The following UGGT2 variants were observed in gnomAD, a reference collection of about 807,000 sequenced individuals.
The protein encoded by UGGT2 is UDP-glucose glycoprotein glucosyltransferase 2.
In UGGT2, 180 loss-of-function variants were observed where a neutral mutation model predicts 192.1. The ratio of observed to expected loss-of-function variants is 0.94; its 90% confidence interval spans 0.83 to 1.06. The LOEUF is 1.06. Ranked by LOEUF, UGGT2 falls within the 50% of genes least tolerant of loss-of-function variation. UGGT2 has a pLI of 0.00. For synonymous variants in UGGT2, 580 were observed against 591.0 expected (o/e 0.98, Z 0.27); for missense variants, 1,849 against 1,795.7 (o/e 1.03, Z -0.54).
intron 15 of UGGT2, 94 bp from the exon 16 acceptor site, chr13:95,940,185 G>C: frequency 1.0e-6 from 1 of 966,666 alleles, no homozygotes; most frequent in Non-Finnish European, 1.4e-6. Flanking sequence ...TATTTTGTAA[G>C]TTCAAAATAT....
At chr13:95,996,274 G>A in intron 6 of UGGT2, 139 bp from the exon 7 acceptor site, 1 of 673,000 alleles carries the variant, frequency 1.5e-6, no homozygotes, top group Non-Finnish European at 2.6e-6. Context: ...GGCCGAGGTG[G>A]GTAAATCACT....
rs138251115 is a variant in UGGT2, at chr13:95,829,151, G to T, written c.4528+3776C>A. Among the ~76,000 whole-genome samples, 895 of 152,230 alleles carry T rather than the reference G, an allele frequency of 5.9e-3. 12 individuals carry two copies. Among genetic ancestry groups the T allele is most frequent in the African/African-American group, 0.02 (844 of 41,542 alleles). ...ATGCTAAAAACTCTCAATAAATTAG[G>T]TATTGATGGGACGTATCTCAAAATA... On this transcript the variant is annotated intron_variant, in intron 38 of 38. Coordinates refer to ENST00000376747, the MANE Select transcript of UGGT2 (RefSeq NM_020121.4).
chr13:95,818,501 A>T (rs1239248771), intron 38 of UGGT2, among the ~76,000 whole-genome samples: 1 of 152,230 alleles, frequency 6.6e-6, no homozygotes, highest in Admixed American at 6.5e-5. Flanking sequence ...ATTGTGGTTA[A>T]GTACTGCTGA....
At chr13:95,829,632 C>A (rs1886445766) in intron 38 of UGGT2, among the ~76,000 whole-genome samples, 1 of 152,104 alleles carries the variant, frequency 6.6e-6, no homozygotes, top group Admixed American at 6.5e-5. Flanking sequence ...AGGACCTCTT[C>A]AAAGAGAACT....
intron 2 of UGGT2, among the ~76,000 whole-genome samples, chr13:96,024,077 C>T (rs1460250747): frequency 4.6e-5 from 7 of 152,078 alleles, no homozygotes; most frequent in Non-Finnish European, 8.8e-5. Context: ...GATATAAGTC[C>T]TACCTACAAG....
At chr13:96,029,294 TTTA>T (rs1379766495) in intron 2 of UGGT2, among the ~76,000 whole-genome samples, 29 of 151,784 alleles carry the variant, frequency 1.9e-4, no homozygotes, top group African/African-American at 6.0e-4. Flanking sequence ...TATTTATTTA[TTTA>T]TTTTTTTGAG....
chr13:95,843,354 C>T (rs190681021), intron 36 of UGGT2, among the ~76,000 whole-genome samples: 294 of 152,174 alleles, frequency 1.9e-3, no homozygotes, highest in Admixed American at 3.1e-3. Context: ...TTTGCATTTC[C>T]CTAATCACTA....
intron 33 of UGGT2, 42 bp from the exon 34 acceptor site, chr13:95,856,382 AAGT>A: frequency 6.4e-7 from 1 of 1,568,782 alleles, no homozygotes; most frequent in Non-Finnish European, 8.6e-7. Context: ...GTTCAAGAGA[AAGT>A]AGTTTTGTTT....
In UGGT2 at chr13:95,895,314, A is replaced by G; in HGVS notation, c.2635-10T>C. On this transcript the variant is annotated splice_polypyrimidine_tract_variant and intron_variant, in intron 22 of 38. Transcript: ENST00000376747. Reference sequence around the variant, plus strand: ...CTAAAGGTCCTAAGAACTTAAAATAAAAACAGTTATATTATCATATATCTT... The same window carrying G: ...CTAAAGGTCCTAAGAACTTAAAATAGAAACAGTTATATTATCATATATCTT... 1 of 1,375,564 alleles carries G rather than the reference A, an allele frequency of 7.3e-7. No homozygotes were observed. Among genetic ancestry groups the G allele is most frequent in the Non-Finnish European group, 9.9e-7 (1 of 1,005,760 alleles). 85.2% of individuals were successfully genotyped at this position (1,375,564 alleles called of 1,614,324 possible). A position where few individuals can be genotyped will look rare whatever the true frequency, so the allele number is the denominator to read the frequency against.
chr13:95,990,976 TG>T (rs961838523), intron 7 of UGGT2: 39 of 152,334 alleles, frequency 2.6e-4, no homozygotes, highest in African/African-American at 9.2e-4. Context: ...ATGTGGTGTT[TG>T]GTTTTCTGTT....
chr13:95,945,984 T>C (rs140560759), intron 15 of UGGT2, among the ~76,000 whole-genome samples: 18 of 152,262 alleles, frequency 1.2e-4, no homozygotes, highest in East Asian at 5.8e-4. Context: ...TGATATAATA[T>C]TGATTGACAA....
intron 20 of UGGT2, among the ~76,000 whole-genome samples, chr13:95,917,534 G>T (rs145415822): frequency 1.3e-3 from 198 of 152,242 alleles, no homozygotes; most frequent in African/African-American, 4.5e-3. Flanking sequence ...CTAGCATCAT[G>T]ATGACAGTAT....
At chr13:95,879,290 A>T (rs1375757817) in intron 27 of UGGT2, among the ~76,000 whole-genome samples, 2 of 152,202 alleles carry the variant, frequency 1.3e-5, no homozygotes, top group African/African-American at 4.8e-5. Flanking sequence ...TATATAACAG[A>T]CTTCAATTCT....
Position 95,981,200 on chromosome 13 carries a change from C to T in UGGT2, c.1092+2604G>A. On this transcript the variant is annotated intron_variant, in intron 10 of 38. Transcript: ENST00000376747. ...CTTTTGTTGGCCGGGCGCGGTGGCTCACGCCTGTAATCCCAGCACTTTGGG... is the reference window on the plus strand; with the variant it reads ...CTTTTGTTGGCCGGGCGCGGTGGCTTACGCCTGTAATCCCAGCACTTTGGG... 4.9e-4 allele frequency among the ~76,000 whole-genome samples: 4 copies of T among 8,094 alleles called. 2 individuals carry two copies. The highest frequency in any genetic ancestry group is 0.1 in the Middle Eastern group (2 of 20). The allele number at this position is 8,094 out of a possible 152,430, so 5.3% of individuals were successfully genotyped here. A position where few individuals can be genotyped will look rare whatever the true frequency, so the allele number is the denominator to read the frequency against.
At position 96,013,390 on chromosome 13, in the gene UGGT2, T is replaced by C. The variant is rs570175844; in HGVS notation, c.577A>G (p.Arg193Gly). The C allele has an allele frequency of 4.9e-4, 792 of 1,606,752 alleles. 13 individuals are homozygous for C. The South Asian group carries it at 8.6e-3, about 17-fold the overall frequency. Residue 193 changes from arginine to glycine, a missense_variant, in exon 5 of 39, where the codon AGA (arginine) becomes GGA (glycine). By Grantham distance (125) the Arg-to-Gly change is moderately radical. Transcript: ENST00000376747. ...ACTTTGTGAAATGCACTAAATGTTC[T>C]AGTACCCATTTCGGCATAGAGAATC... ...VVILYAEMGT[R>G]TFSAFHKVLS...
At chr13:96,013,097 C>T (rs948265907) in intron 5 of UGGT2, among the ~76,000 whole-genome samples, 1 of 151,800 alleles carries the variant, frequency 6.6e-6, no homozygotes, top group South Asian at 2.1e-4. Context: ...TAAATTTGTG[C>T]CAGATATAAG....
intron 1 of UGGT2, among the ~76,000 whole-genome samples, chr13:96,035,239 A>T (rs999888469): frequency 1.3e-5 from 2 of 152,212 alleles, no homozygotes; most frequent in Non-Finnish European, 2.9e-5. Context: ...GGAACAGAAT[A>T]GAGAACTCAG....
chr13:95,846,019 G>A (rs1372853716), intron 36 of UGGT2, among the ~76,000 whole-genome samples: 1 of 152,162 alleles, frequency 6.6e-6, no homozygotes, highest in African/African-American at 2.4e-5. Flanking sequence ...TTCCTAGACG[G>A]GGTGGCGGCC....
chr13:95,981,133 G>A (rs1219369666), intron 10 of UGGT2, among the ~76,000 whole-genome samples: 2 of 152,220 alleles, frequency 1.3e-5, no homozygotes, highest in East Asian at 3.9e-4. Context: ...AAAGCCAGGA[G>A]CTCTGCAGTA....
Sources: allele counts gnomAD v4.1 joint callset (sites outside exome capture counted in the v4.1 genomes callset), GRCh38; gene constraint gnomAD v4.1.1; transcripts MANE v1.5; gene names NCBI Gene and HGNC (gene_info 2026-07-23, HGNC 2026-07-21).